THSD7B: variants seen among roughly 807,000 people sequenced by gnomAD.
THSD7B encodes thrombospondin type 1 domain containing 7B.
In THSD7B, 138 loss-of-function variants were observed where a neutral mutation model predicts 213.6. That is an observed-to-expected ratio of 0.65 (90% confidence interval 0.56 to 0.74). The LOEUF (loss-of-function observed/expected upper bound fraction) is 0.74, where lower values mean the gene tolerates loss of function less well. Ranked by LOEUF, THSD7B falls within the 30% of genes least tolerant of loss-of-function variation. The pLI is 0.00. For missense variants in THSD7B, 1,931 were observed against 1,991.5 expected (o/e 0.97, Z 0.58); for synonymous variants, 742 against 687.0 (o/e 1.08, Z -1.25).
intron 5 of THSD7B, among the ~76,000 whole-genome samples, chr2:137,150,581 C>T (rs183011020): frequency 1.3e-5 from 2 of 152,270 alleles, no homozygotes; most frequent in Admixed American, 6.5e-5. Context: ...TTGCAAGTTT[C>T]CTGAGGCCTC....
chr2:137,198,814 T>A (rs1171169749), intron 7 of THSD7B, among the ~76,000 whole-genome samples: 8 of 152,180 alleles, frequency 5.3e-5, no homozygotes, highest in Admixed American at 2.6e-4. Flanking sequence ...ACTGGAAGAC[T>A]TTTTGGTGGT....
intron 15 of THSD7B, among the ~76,000 whole-genome samples, chr2:137,506,467 A>G (rs1050467679): frequency 9.9e-5 from 15 of 152,242 alleles, no homozygotes; most frequent in Non-Finnish European, 1.5e-5. Context: ...ATGGAAACCA[A>G]TTAAAACAAG....
intron 3 of THSD7B, among the ~76,000 whole-genome samples, chr2:137,081,753 C>T (rs1382235086): frequency 2.0e-5 from 3 of 152,044 alleles, no homozygotes; most frequent in East Asian, 3.9e-4. Flanking sequence ...GCTTTTATTG[C>T]AGTTTTACCT....
intron 10 of THSD7B, among the ~76,000 whole-genome samples, chr2:137,256,599 G>A (rs993031178): frequency 3.3e-5 from 5 of 152,256 alleles, no homozygotes; most frequent in South Asian, 2.1e-4. Context: ...GCAGGTACCC[G>A]CTCGTGAAGA....
chr2:136,954,714 C>CAAAAAAAAA (rs11378111), intron 2 of THSD7B, among the ~76,000 whole-genome samples: 2 of 89,428 alleles, frequency 2.2e-5, no homozygotes, highest in African/African-American at 1.1e-4. Context: ...GACTCTGTCT[C>CAAAAAAAAA]AAAAAAAAAA....
chr2:137,313,471 C>G (rs957086162), intron 12 of THSD7B, among the ~76,000 whole-genome samples: 2 of 151,700 alleles, frequency 1.3e-5, no homozygotes, highest in African/African-American at 4.8e-5. Flanking sequence ...ATTTGCCAGT[C>G]TGTGTCTTTT....
chr2:137,062,154 T>C (rs764692884), intron 3 of THSD7B, among the ~76,000 whole-genome samples: 8 of 151,766 alleles, frequency 5.3e-5, no homozygotes, highest in Non-Finnish European at 7.4e-5. Context: ...TATCCCTTTT[T>C]CCTTTTAATA....
intron 10 of THSD7B, among the ~76,000 whole-genome samples, chr2:137,252,647 A>G (rs866990629): frequency 2.6e-5 from 4 of 152,170 alleles, no homozygotes; most frequent in Non-Finnish European, 2.9e-5. Flanking sequence ...TCAGAAGCCT[A>G]TTGGAGCAGC....
intron 16 of THSD7B, 77 bp from the exon 17 acceptor site, chr2:137,572,329 A>G: frequency 2.0e-6 from 3 of 1,513,076 alleles, no homozygotes; most frequent in Non-Finnish European, 2.7e-6. Flanking sequence ...GTCAGTTACT[A>G]TGATACATCA....
chr2:137,178,027 C>A (rs569384227), intron 7 of THSD7B, among the ~76,000 whole-genome samples: 1 of 146,618 alleles, frequency 6.8e-6, no homozygotes, highest in Non-Finnish European at 1.5e-5. Context: ...GCCAAGATTG[C>A]GCCACTGTAC....
rs560418734 is a variant in THSD7B, at chr2:137,608,644, A to G, written c.3424-7531A>G. Reference sequence around the variant, plus strand: ...TCTAGGTATGTATTGACATTTTTAAATGTTTCCTGTTGCTATTATTTTGGG... The same window carrying G: ...TCTAGGTATGTATTGACATTTTTAAGTGTTTCCTGTTGCTATTATTTTGGG... On this transcript the variant is annotated intron_variant, in intron 17 of 27. Transcript: ENST00000409968. 5.9e-5 allele frequency among the ~76,000 whole-genome samples: 9 copies of G among 152,320 alleles called. No homozygotes were observed. The South Asian group carries it at 1.5e-3, about 25-fold the overall frequency.
intron 12 of THSD7B, among the ~76,000 whole-genome samples, chr2:137,395,784 A>T (rs1219193045): frequency 2.6e-5 from 4 of 151,434 alleles, no homozygotes; most frequent in African/African-American, 7.3e-5. Context: ...CTGTGAATCC[A>T]TCTGGTCCTG....
At chr2:137,560,597 C>G (rs529648463) in intron 15 of THSD7B, among the ~76,000 whole-genome samples, 23 of 152,130 alleles carry the variant, frequency 1.5e-4, no homozygotes, top group African/African-American at 4.6e-4. Context: ...AGCATTAGGA[C>G]ATATACCTAA....
At chr2:136,969,754 A>G (rs369034380) in intron 2 of THSD7B, among the ~76,000 whole-genome samples, 4 of 152,166 alleles carry the variant, frequency 2.6e-5, no homozygotes, top group African/African-American at 9.6e-5. Flanking sequence ...ACCAAGGAAT[A>G]CTAGTATTTG....
intron 4 of THSD7B, among the ~76,000 whole-genome samples, chr2:137,112,406 T>G (rs1218634926): frequency 6.6e-6 from 1 of 152,082 alleles, no homozygotes. Flanking sequence ...CTCTAAAGGA[T>G]TTATCATTTG....
intron 12 of THSD7B, among the ~76,000 whole-genome samples, chr2:137,367,875 T>G (rs1685456312): frequency 6.6e-6 from 1 of 152,112 alleles, no homozygotes; most frequent in Non-Finnish European, 1.5e-5. Context: ...GTTCCCACCC[T>G]CATGACCTAA....
In THSD7B at chr2:137,334,170, TTCTCTCTCTCTCTC is replaced by T. The variant is rs139280559; in HGVS notation, c.2500+58162_2500+58175del. Among the ~76,000 whole-genome samples, 20 of 148,934 alleles carry T rather than the reference TTCTCTCTCTCTCTC, an allele frequency of 1.3e-4. No homozygotes were observed. In the East Asian group the frequency reaches 1.6e-3, roughly 12 times the overall value. On this transcript the variant is annotated intron_variant, in intron 12 of 27. Transcript: ENST00000409968. ...ATCATTCATTTCTTTCTTTCTCTCT[TTCTCTCTCTCTCTC>T]TCTCTCTCTCTCTCTCTTTCTCTCT...
At chr2:137,433,832 T>C (rs983734222) in intron 14 of THSD7B, among the ~76,000 whole-genome samples, 1 of 152,220 alleles carries the variant, frequency 6.6e-6, no homozygotes, top group African/African-American at 2.4e-5. Context: ...GTCTGTTTTT[T>C]AAGAACTGCT....
intron 3 of THSD7B, among the ~76,000 whole-genome samples, chr2:137,077,333 A>G (rs1176603057): frequency 6.6e-6 from 1 of 152,184 alleles, no homozygotes; most frequent in Non-Finnish European, 1.5e-5. Flanking sequence ...TCCTTTGGAT[A>G]TATACCCAGT....
Sources: gnomAD v4.1 joint callset for allele counts (sites outside exome capture counted in the v4.1 genomes callset) on GRCh38, gnomAD v4.1.1 for gene constraint, MANE v1.5 for transcripts, NCBI Gene and HGNC (gene_info 2026-07-23, HGNC 2026-07-21) for gene names.